Variants in ZSWIM5 observed in about 807,000 individuals in gnomAD.
ZSWIM5 encodes the protein zinc finger SWIM domain-containing protein 5.
Under a neutral mutation model 119.6 loss-of-function variants are expected in ZSWIM5, and 55 were observed. The ratio of observed to expected loss-of-function variants is 0.46; its 90% CI spans 0.37 to 0.58. The LOEUF (loss-of-function observed/expected upper bound fraction) is 0.58, where lower values mean the gene tolerates loss of function less well. Ranked by LOEUF, ZSWIM5 falls within the 20% of genes least tolerant of loss-of-function variation. ZSWIM5 has a pLI of 0.00. For missense variants in ZSWIM5, 1,193 were observed against 1,512.8 expected, an observed-to-expected ratio of 0.79 and a Z score of 3.51; for synonymous variants, 537 against 606.9, an observed-to-expected ratio of 0.88 and a Z score of 1.69.
At position 45,205,773 on chromosome 1, in the gene ZSWIM5, T is replaced by G. The variant is rs1178183112; in HGVS notation, c.578A>C (p.Glu193Ala). 6.4e-7 allele frequency: 1 copy of G among 1,567,026 alleles called. No individual in the cohort carries two copies. Among genetic ancestry groups the G allele is most frequent in the Non-Finnish European group, 8.6e-7 (1 of 1,161,436 alleles). The change falls in exon 1 of 14, where the codon GAG (glutamate) becomes GCG (alanine). Residue 193 changes from glutamate to alanine, a missense_variant. By Grantham distance (107) the Glu-to-Ala change is moderately radical. This residue lies in a region of ZSWIM5 where 961 missense variants were observed against 1,290.0 expected (regional missense o/e 0.74). Transcript: ENST00000359600. ...GIRLLDSGSV[E>A]NVLQVGFHLS... The stretch of plus-strand genomic sequence containing the variant: ...GCACATACCGACTTGCAGCACGTTC[T>G]CCACGGAGCCGCTGTCCAGCAGACG...
chr1:45,031,473 C>T (rs1250575590), intron 11 of ZSWIM5, among the ~76,000 whole-genome samples: 1 of 151,786 alleles, frequency 6.6e-6, no homozygotes, highest in Non-Finnish European at 1.5e-5. Context: ...TATGAGCCAC[C>T]GCACCTGTCT....
intron 7 of ZSWIM5, 132 bp downstream of exon 7, chr1:45,040,260 A>G: frequency 1.0e-6 from 1 of 982,194 alleles, no homozygotes; most frequent in Non-Finnish European, 1.5e-6. Flanking sequence ...GACATTCATA[A>G]AGATAAAGTG....
intron 1 of ZSWIM5, among the ~76,000 whole-genome samples, chr1:45,181,576 G>T (rs1427547120): frequency 1.3e-5 from 2 of 151,928 alleles, no homozygotes; most frequent in Admixed American, 6.6e-5. Flanking sequence ...TGGAAATACA[G>T]AGAACGCCAC....
chr1:45,200,912 G>T (rs903655073), intron 1 of ZSWIM5, among the ~76,000 whole-genome samples: 1 of 152,148 alleles, frequency 6.6e-6, no homozygotes, highest in Admixed American at 6.5e-5. Context: ...ATATGCTGAA[G>T]TCCTAACCCC....
intron 1 of ZSWIM5, among the ~76,000 whole-genome samples, chr1:45,107,037 C>T (rs1275418074): frequency 6.6e-6 from 1 of 152,118 alleles, no homozygotes; most frequent in East Asian, 1.9e-4. Flanking sequence ...GAGTCATCAC[C>T]ACTCCCTAAT....
chr1:45,066,555 CATT>C (rs1423550684), intron 2 of ZSWIM5, among the ~76,000 whole-genome samples: 2 of 152,154 alleles, frequency 1.3e-5, no homozygotes, highest in East Asian at 3.9e-4. Context: ...TCAAAAAAAA[CATT>C]ATGTCATAAA....
chr1:45,175,440 T>G (rs1160577883), intron 1 of ZSWIM5, among the ~76,000 whole-genome samples: 3 of 152,046 alleles, frequency 2.0e-5, no homozygotes, highest in Admixed American at 6.6e-5. Flanking sequence ...AATTTTCAAC[T>G]TACTCTTTCT....
At chr1:45,068,792 CTTTTTTTTTTTT>C (rs758235271) in intron 2 of ZSWIM5, among the ~76,000 whole-genome samples, 11 of 46,754 alleles carry the variant, frequency 2.4e-4, no homozygotes, top group South Asian at 3.4e-3. Context: ...TGTTGTATGT[CTTTTTTTTTTTT>C]TTTTTTTTTT....
At chr1:45,125,641 G>A (rs1364019922) in intron 1 of ZSWIM5, among the ~76,000 whole-genome samples, 1 of 152,082 alleles carries the variant, frequency 6.6e-6, no homozygotes, top group Non-Finnish European at 1.5e-5. Flanking sequence ...GGGCATGGTG[G>A]CAAGCGCCTG....
intron 2 of ZSWIM5, among the ~76,000 whole-genome samples, chr1:45,086,069 C>T (rs182095659): frequency 6.8e-4 from 103 of 152,270 alleles, no homozygotes; most frequent in African/African-American, 2.4e-3. Flanking sequence ...GTACAGGAAG[C>T]ATGGCTTGGG....
At chr1:45,165,531 G>T (rs537966407) in intron 1 of ZSWIM5, among the ~76,000 whole-genome samples, 27 of 152,070 alleles carry the variant, frequency 1.8e-4, no homozygotes, top group African/African-American at 6.5e-4. Context: ...TCCAGGAGCT[G>T]GTTTTTTGAA....
chr1:45,192,506 A>AAAGGAAGG (rs143389807), intron 1 of ZSWIM5, among the ~76,000 whole-genome samples: 1 of 152,126 alleles, frequency 6.6e-6, no homozygotes, highest in Non-Finnish European at 1.5e-5. Flanking sequence ...AAAGACAGAG[A>AAAGGAAGG]AAGGAAGGAA....
At chr1:45,118,065 T>C (rs2149026619) in intron 1 of ZSWIM5, among the ~76,000 whole-genome samples, 2 of 152,062 alleles carry the variant, frequency 1.3e-5, no homozygotes, top group African/African-American at 4.8e-5. Flanking sequence ...ATCATGCCAC[T>C]GCACTCCAGC....
intron 1 of ZSWIM5, among the ~76,000 whole-genome samples, chr1:45,138,888 C>CT (rs1183370810): frequency 1.3e-5 from 2 of 148,602 alleles, no homozygotes; most frequent in Non-Finnish European, 1.5e-5. Flanking sequence ...TTTTCTTTTT[C>CT]TTTTTCTTTT....
At chr1:45,120,681 G>T (rs1335829859) in intron 1 of ZSWIM5, among the ~76,000 whole-genome samples, 2 of 150,546 alleles carry the variant, frequency 1.3e-5, no homozygotes, top group East Asian at 3.9e-4. Flanking sequence ...TCCCTATGTT[G>T]CCCAGGCTGG....
chr1:45,187,566 A>C (rs1223877875), intron 1 of ZSWIM5, among the ~76,000 whole-genome samples: 2 of 152,166 alleles, frequency 1.3e-5, no homozygotes, highest in Non-Finnish European at 2.9e-5. Flanking sequence ...AAAGAAAGAA[A>C]GAAAGAAAAA....
chr1:45,205,936 G>T lies in ZSWIM5; in HGVS notation c.415C>A (p.Pro139Thr). The change falls in exon 1 of 14, where the codon CCG (proline) becomes ACG (threonine). Residue 139 changes from proline (P) to threonine (T), a missense_variant. By Grantham distance (38) the Pro-to-Thr change is conservative. Around this residue, in one of 2 missense-constraint regions of ZSWIM5, gnomAD observed 232 missense variants for 222.9 expected, o/e 1.04. Transcript: ENST00000359600. ...GCGGCGGCCCCGGGGGGTGGCTGCG[G>T]CCCCTCCTCGGCCGGCGAAGCCCCC... ...AAGASPAEEG[P>T]QPPPGAAAPA... 1 of 1,193,904 alleles carries T rather than the reference G, an allele frequency of 8.4e-7. No homozygotes were observed. 74.0% of individuals were successfully genotyped at this position (1,193,904 alleles called of 1,614,324 possible).
At chr1:45,112,496 C>T (rs956030035) in intron 1 of ZSWIM5, among the ~76,000 whole-genome samples, 7 of 152,126 alleles carry the variant, frequency 4.6e-5, no homozygotes, top group African/African-American at 1.7e-4. Context: ...GAGATTTTGA[C>T]TTTTGATTCA....
At chr1:45,180,878 C>A (rs1246048223) in intron 1 of ZSWIM5, among the ~76,000 whole-genome samples, 2 of 152,118 alleles carry the variant, frequency 1.3e-5, no homozygotes, top group Admixed American at 6.6e-5. Flanking sequence ...AGGGTCCTGT[C>A]TGTTAGAAGG....
Sources: allele counts gnomAD v4.1 joint callset (sites outside exome capture counted in the v4.1 genomes callset), GRCh38; gene constraint gnomAD v4.1.1; regional missense constraint gnomAD v4.1.1; transcripts MANE v1.5; gene names NCBI Gene and HGNC (gene_info 2026-07-23, HGNC 2026-07-21).